SCD5: variants seen among roughly 807,000 people sequenced by gnomAD.
The protein encoded by SCD5 is acyl-CoA-desaturase 4.
SCD5 carries 20 observed loss-of-function variants against 30.4 expected under a neutral mutation model. The observed-to-expected ratio is 0.66, with a 90% CI of 0.46 to 0.96. SCD5 has a LOEUF of 0.96. Among genes scored for constraint, SCD5 ranks in the 40% least tolerant of loss-of-function variants. The pLI, the probability that SCD5 is intolerant of heterozygous loss-of-function variation, is 0.00. For missense variants in SCD5, 381 were observed against 443.3 expected (o/e 0.86, Z 1.26); for synonymous variants, 173 against 176.4 (o/e 0.98, Z 0.16).
chr4:82,700,328 G>A (rs991362780), intron 2 of SCD5, among the ~76,000 whole-genome samples: 2 of 152,020 alleles, frequency 1.3e-5, no homozygotes, highest in Admixed American at 6.5e-5. Context: ...ACTCCAAGCA[G>A]GATACATACC....
chr4:82,686,644 T>C (rs1372456989), intron 2 of SCD5, among the ~76,000 whole-genome samples: 1 of 152,158 alleles, frequency 6.6e-6, no homozygotes, highest in Non-Finnish European at 1.5e-5. Context: ...TGTGTATACA[T>C]ATACAATAAA....
intron 3 of SCD5, among the ~76,000 whole-genome samples, chr4:82,653,676 TGATAGATA>T (rs1553914392): frequency 2.9e-5 from 4 of 136,556 alleles, no homozygotes; most frequent in Admixed American, 7.5e-5. Context: ...TGAAAGTCAA[TGATAGATA>T]GATAGATAGA....
At chr4:82,758,891 TC>T (rs991787720) in intron 1 of SCD5, among the ~76,000 whole-genome samples, 17 of 151,706 alleles carry the variant, frequency 1.1e-4, no homozygotes, top group African/African-American at 4.1e-4. Context: ...CAGAGGCGCC[TC>T]CCCCGCGAAA....
chr4:82,765,905 C>G (rs1426885480), intron 1 of SCD5, among the ~76,000 whole-genome samples: 1 of 152,208 alleles, frequency 6.6e-6, no homozygotes, highest in Non-Finnish European at 1.5e-5. Context: ...CAGGGATGAG[C>G]CACTGTGCAT....
intron 3 of SCD5, among the ~76,000 whole-genome samples, chr4:82,655,858 C>T (rs902515485): frequency 3.3e-5 from 5 of 151,956 alleles, no homozygotes; most frequent in Admixed American, 2.6e-4. Flanking sequence ...GGAACTTAAG[C>T]CTAAGCACAG....
chr4:82,687,570 C>T (rs891742047), intron 2 of SCD5, among the ~76,000 whole-genome samples: 1 of 152,200 alleles, frequency 6.6e-6, no homozygotes, highest in Non-Finnish European at 1.5e-5. Context: ...TCGTTAGCAA[C>T]TAATCAACCA....
intron 3 of SCD5, among the ~76,000 whole-genome samples, chr4:82,670,384 A>G (rs1300360671): frequency 1.3e-5 from 2 of 152,218 alleles, no homozygotes; most frequent in Admixed American, 1.3e-4. Context: ...AATGCCTTTG[A>G]TAGGCTTATA....
chr4:82,776,362 C>T (rs147077824), intron 1 of SCD5, among the ~76,000 whole-genome samples: 16 of 152,254 alleles, frequency 1.1e-4, no homozygotes, highest in African/African-American at 3.6e-4. Context: ...AAGATCATTT[C>T]GGCATCTGTG....
intron 1 of SCD5, among the ~76,000 whole-genome samples, chr4:82,738,223 G>A (rs1225526218): frequency 6.6e-6 from 1 of 152,152 alleles, no homozygotes; most frequent in Non-Finnish European, 1.5e-5. Flanking sequence ...GACGGAGACT[G>A]ACCATCCTGG....
intron 2 of SCD5, among the ~76,000 whole-genome samples, chr4:82,687,356 CTT>C (rs1465452730): frequency 1.3e-5 from 2 of 151,990 alleles, no homozygotes; most frequent in African/African-American, 2.4e-5. Context: ...GTGGGTGACT[CTT>C]TTTTATTTTG....
chr4:82,656,293 C>T (rs1325073437), intron 3 of SCD5, among the ~76,000 whole-genome samples: 3 of 152,086 alleles, frequency 2.0e-5, no homozygotes, highest in Admixed American at 1.3e-4. Flanking sequence ...GTGATGTTCC[C>T]TTCCCTGTGT....
rs549094139 is a variant in SCD5 at position 82,725,581 on chromosome 4, C to T, written c.233-20168G>A. Among the ~76,000 whole-genome samples the T allele has an allele frequency of 8.5e-5, 13 of 152,168 alleles. No homozygotes were observed. The East Asian group carries it at 1.9e-3, about 23-fold the overall frequency. Reference sequence around the variant, plus strand: ...TTCCTTTAGAAAATAAAGCCTGGACCGGGCGTGGTGGCTCATGCCTGTAAT... The same window carrying T: ...TTCCTTTAGAAAATAAAGCCTGGACTGGGCGTGGTGGCTCATGCCTGTAAT... On this transcript the variant is annotated intron_variant, in intron 1 of 4. Transcript: ENST00000319540.
At chr4:82,701,651 C>G (rs1472315252) in intron 2 of SCD5, among the ~76,000 whole-genome samples, 1 of 152,216 alleles carries the variant, frequency 6.6e-6, no homozygotes, top group Non-Finnish European at 1.5e-5. Flanking sequence ...TTCGAGAAGT[C>G]ACTGGTATTC....
At chr4:82,686,310 G>A (rs144298211) in intron 2 of SCD5, among the ~76,000 whole-genome samples, 1 of 152,236 alleles carries the variant, frequency 6.6e-6, no homozygotes, top group East Asian at 1.9e-4. Context: ...CCAGCCACTT[G>A]TACGCTTTTC....
chr4:82,790,128 A>G (rs1405626433), intron 1 of SCD5, among the ~76,000 whole-genome samples: 2 of 152,120 alleles, frequency 1.3e-5, no homozygotes, highest in Non-Finnish European at 2.9e-5. Context: ...GCACCCAATG[A>G]GATGTTTGTC....
chr4:82,787,021 C>T (rs914719879), intron 1 of SCD5, among the ~76,000 whole-genome samples: 2 of 152,192 alleles, frequency 1.3e-5, no homozygotes, highest in Admixed American at 1.3e-4. Flanking sequence ...TTGTTTCACA[C>T]AGTTAGCTCC....
intron 1 of SCD5, among the ~76,000 whole-genome samples, chr4:82,754,396 G>C (rs1452378939): frequency 1.3e-5 from 2 of 152,202 alleles, no homozygotes; most frequent in African/African-American, 2.4e-5. Flanking sequence ...AAAGCAGAGA[G>C]AGGGAGGAGA....
chr4:82,664,991 CTCTCTCTCTATATA>C (rs1728139378), intron 3 of SCD5, among the ~76,000 whole-genome samples: 1 of 96,158 alleles, frequency 1.0e-5, no homozygotes, highest in African/African-American at 5.1e-5. Flanking sequence ...CTCTCTCTCT[CTCTCTCTCTATATA>C]TATATATATA....
chr4:82,755,084 G>C (rs915691058), intron 1 of SCD5, among the ~76,000 whole-genome samples: 1 of 137,736 alleles, frequency 7.3e-6, no homozygotes. Flanking sequence ...AAAGTCTATA[G>C]CCAGACCAAA....
Sources: gnomAD v4.1 joint callset for allele counts (sites outside exome capture counted in the v4.1 genomes callset) on GRCh38, gnomAD v4.1.1 for gene constraint, MANE v1.5 for transcripts, NCBI Gene and HGNC (gene_info 2026-07-23, HGNC 2026-07-21) for gene names.